GARIN2: variants seen among roughly 807,000 people sequenced by gnomAD.
The protein encoded by GARIN2 is golgi associated RAB2 interactor family member 2.
At chr14:67,200,113 C>T in the GARIN2 span, 5 of 1,041,300 alleles carry the variant, frequency 4.8e-6, no homozygotes, top group Non-Finnish European at 5.7e-6. Flanking sequence ...AATGGGCATG[C>T]CCCCCCGAAG....
At chr14:67,224,792 T>C in the GARIN2 span, 1 of 253,194 alleles carries the variant, frequency 3.9e-6, no homozygotes, top group East Asian at 1.3e-4. Flanking sequence ...TTCTTTTCCA[T>C]GTTCCTCTTA....
the GARIN2 span, among the ~76,000 whole-genome samples, chr14:67,193,954 C>CAAAAAAAAAAAAAAAA: frequency 1.2e-5 from 1 of 85,758 alleles, no homozygotes; most frequent in Admixed American, 1.2e-4. Context: ...CAAAAAAAAA[C>CAAAAAAAAAAAAAAAA]AAAAAAAAAA....
At chr14:67,194,438 C>T in the GARIN2 span, among the ~76,000 whole-genome samples, 2 of 150,762 alleles carry the variant, frequency 1.3e-5, no homozygotes, top group Admixed American at 6.6e-5. Context: ...ATGAGGGGGG[C>T]GTGTGTGTGT....
chr14:67,227,508 A>G, the GARIN2 span: 1 of 151,830 alleles, frequency 6.6e-6, no homozygotes, highest in East Asian at 1.9e-4. Flanking sequence ...TTGCTGATAT[A>G]TGGGAAAAGG....
At chr14:67,228,185 AG>A in the GARIN2 span, among the ~76,000 whole-genome samples, 159 of 151,992 alleles carry the variant, frequency 1.0e-3, 2 homozygotes, top group East Asian at 0.029. Flanking sequence ...AAAAAAAAAA[AG>A]AAATTAAGTT....
chr14:67,208,187 T>C, the GARIN2 span: 1 of 1,612,544 alleles, frequency 6.2e-7, no homozygotes, highest in African/African-American at 1.3e-5. Flanking sequence ...TTGCTGCTGC[T>C]TTTTATTTTT....
chr14:67,208,150 T>C, the GARIN2 span: 1 of 1,603,044 alleles, frequency 6.2e-7, no homozygotes, highest in South Asian at 1.1e-5. Flanking sequence ...CAAACACCTA[T>C]TACCTGATGC....
chr14:67,213,178 T>C, the GARIN2 span, among the ~76,000 whole-genome samples: 1 of 151,218 alleles, frequency 6.6e-6, no homozygotes, highest in Admixed American at 6.6e-5. Context: ...TTTATTATTA[T>C]TATACTTTAA....
At chr14:67,224,021 C>A in the GARIN2 span, 2 of 969,716 alleles carry the variant, frequency 2.1e-6, no homozygotes, top group South Asian at 9.5e-5. Context: ...AAATTCCTGG[C>A]ATTATTAAGC....
the GARIN2 span, chr14:67,201,662 T>C: frequency 2.6e-6 from 1 of 391,700 alleles, no homozygotes; most frequent in Admixed American, 2.9e-5. Flanking sequence ...CAGGATTTAA[T>C]CCCTGAGCTG....
the GARIN2 span, among the ~76,000 whole-genome samples, chr14:67,223,219 C>T: frequency 1.3e-5 from 2 of 152,088 alleles, no homozygotes; most frequent in Admixed American, 6.5e-5. Context: ...AGGCTGGTCT[C>T]GAACTCCTGA....
the GARIN2 span, among the ~76,000 whole-genome samples, chr14:67,215,509 T>TAAAAAA: frequency 4.0e-5 from 5 of 126,144 alleles, no homozygotes; most frequent in South Asian, 2.4e-4. Flanking sequence ...GTACAAAGAT[T>TAAAAAA]AAAAAACAAC....
chr14:67,205,579 AAGTG>A, the GARIN2 span, among the ~76,000 whole-genome samples: 1 of 152,190 alleles, frequency 6.6e-6, no homozygotes, highest in East Asian at 1.9e-4. Context: ...AAACAAAACA[AAGTG>A]AGTGGCTTTA....
At chr14:67,212,197 ACTTTGG>A in the GARIN2 span, among the ~76,000 whole-genome samples, 1 of 152,170 alleles carries the variant, frequency 6.6e-6, no homozygotes, top group Admixed American at 6.5e-5. Context: ...TACATAGAGG[ACTTTGG>A]ACATATTAGT....
chr14:67,196,220 TTTC>T, the GARIN2 span, among the ~76,000 whole-genome samples: 5 of 147,636 alleles, frequency 3.4e-5, no homozygotes, highest in African/African-American at 1.3e-4. Flanking sequence ...CTTTTCTTTC[TTTC>T]TTTTTTTTTT....
chr14:67,227,114 A>G, the GARIN2 span, among the ~76,000 whole-genome samples: 3 of 152,358 alleles, frequency 2.0e-5, no homozygotes, highest in African/African-American at 4.8e-5. Flanking sequence ...ACAAAAAATT[A>G]TACCATACTT....
the GARIN2 span, chr14:67,200,528 A>G: frequency 3.7e-6 from 1 of 270,768 alleles, no homozygotes; most frequent in Non-Finnish European, 6.8e-6. Context: ...ATGCACAGAG[A>G]AAATAAAACT....
chr14:67,218,509 G>C, the GARIN2 span, among the ~76,000 whole-genome samples: 1 of 152,162 alleles, frequency 6.6e-6, no homozygotes, highest in African/African-American at 2.4e-5. Flanking sequence ...TGGCAGCCTG[G>C]GGCATGTCAA....
At chr14:67,225,814 GAAACTTCTCTCAGCCATGAT>G in the GARIN2 span, among the ~76,000 whole-genome samples, 1 of 152,150 alleles carries the variant, frequency 6.6e-6, no homozygotes, top group Non-Finnish European at 1.5e-5. Context: ...GCTGAAAAAT[GAAACTTCTCTCAGCCATGAT>G]AACAACACCC....
Sources: gnomAD v4.1 joint callset for allele counts (sites outside exome capture counted in the v4.1 genomes callset) on GRCh38, gnomAD v4.1.1 for gene constraint, MANE v1.5 for transcripts, NCBI Gene and HGNC (gene_info 2026-07-23, HGNC 2026-07-21) for gene names.